FSIP2: variants seen among roughly 807,000 people sequenced by gnomAD.
FSIP2 encodes the protein fibrous sheath-interacting protein 2.
A neutral mutation model predicts 510.5 loss-of-function variants in FSIP2; 367 were observed. That is an observed-to-expected ratio of 0.72 (90% CI 0.66 to 0.78). FSIP2 has a LOEUF of 0.78. FSIP2 is among the 30% of genes least tolerant of loss of function. The pLI is 0.00. For missense variants in FSIP2, 7,594 were observed against 7,901.7 expected (o/e 0.96, Z 1.48); for synonymous variants, 2,601 against 2,732.2 (o/e 0.95, Z 1.50).
Position 185,804,138 on chromosome 2 carries a change from CTCA to C in FSIP2, c.14835_14837del (p.Ser4946del). 1 of 1,513,330 alleles carries C rather than the reference CTCA, an allele frequency of 6.6e-7. No homozygotes were observed. Among genetic ancestry groups the C allele is most frequent in the Non-Finnish European group, 8.8e-7 (1 of 1,137,614 alleles). 93.7% of individuals were successfully genotyped at this position (1,513,330 alleles called of 1,614,324 possible). On this transcript the variant is annotated inframe_deletion, in exon 17 of 23. Transcript: ENST00000424728. ...AAAGAGAATTATCTTTTATTGTGAA[CTCA>C]TCTGTCTTTTTGGAGGAAGTAATTT...
chr2:185,827,302 T>C (rs964413105), intron 20 of FSIP2, among the ~76,000 whole-genome samples: 2 of 151,836 alleles, frequency 1.3e-5, no homozygotes, highest in African/African-American at 4.8e-5. Context: ...GTACTTTATA[T>C]AGTTATTGCT....
chr2:185,793,611 A>G lies in FSIP2; in HGVS notation c.6475A>G (p.Ile2159Val), dbSNP rs1693191949. The G allele has an allele frequency of 6.5e-7, 1 of 1,533,840 alleles. No individual in the cohort carries two copies. The highest frequency in any genetic ancestry group is 8.7e-7 in the Non-Finnish European group (1 of 1,145,270). The change falls in exon 16 of 23, where the codon ATA becomes GTA. Residue 2159 changes from isoleucine to valine, a missense_variant. Transcript: ENST00000424728. ...KSDVILISND[I>V]VNIVLHNLSS... ...AGATGTCATTTTGATATCCAATGAT[A>G]TAGTGAATATTGTTCTTCATAATCT...
Position 185,795,476 on chromosome 2 carries a change from A to G in FSIP2, c.8340A>G (p.Gln2780=). 1 of 1,534,874 alleles carries G rather than the reference A, an allele frequency of 6.5e-7. No homozygotes were observed. The highest frequency in any genetic ancestry group is 1.4e-5 in the African/African-American group (1 of 73,040). Residue 2780 remains glutamine (Q), a synonymous_variant, in exon 16 of 23, where the codon CAA becomes CAG. Coordinates refer to ENST00000424728, the MANE Select transcript of FSIP2 (RefSeq NM_173651.4). Reference sequence around the variant, plus strand: ...GTAAAATAGTTAATACAGTTTTGCAAGAATTATATGTTACCAATAACTGCA... The same window carrying G: ...GTAAAATAGTTAATACAGTTTTGCAGGAATTATATGTTACCAATAACTGCA... ...AAGKIVNTVL[Q]ELYVTNNCNL...
rs1693470984 is a variant in FSIP2, at chr2:185,802,797, A to G, written c.13491A>G (p.Ile4497Met). The change falls in exon 17 of 23, where the codon ATA becomes ATG. Residue 4497 changes from isoleucine to methionine, a missense_variant. Ile to Met is a conservative substitution (Grantham distance 10). Transcript: ENST00000424728. The stretch of plus-strand genomic sequence containing the variant: ...TAAACAGAGACACCCAAAAAGATAT[A>G]TCAAGAGTGAATTTCAATGACATTG... ...LVLNRDTQKD[I>M]SRVNFNDIAS... 3 of 1,521,168 alleles carry G rather than the reference A, an allele frequency of 2.0e-6. No individual in the cohort carries two copies. The highest frequency in any genetic ancestry group is 1.4e-5 in the African/African-American group (1 of 72,200). The allele number at this position is 1,521,168 out of a possible 1,614,324, so 94.2% of individuals were successfully genotyped here.
At position 185,789,437 on chromosome 2, in the gene FSIP2, G is replaced by A. The variant is rs948934418; in HGVS notation, c.2301G>A (p.Glu767=). The A allele has an allele frequency of 4.6e-6, 7 of 1,534,612 alleles. No homozygotes were observed. The African/African-American group carries it at 9.6e-5, about 21-fold the overall frequency. ...EIVENMLEKL[E]SAVEKKCVEM... is the part of the protein sequence containing the mutation. The stretch of plus-strand genomic sequence containing the variant: ...TGGAAAATATGCTTGAGAAGTTAGA[G>A]TCTGCAGTTGAGAAAAAATGTGTTG... The change falls in exon 16 of 23, where the codon GAG becomes GAA. Residue 767 remains glutamate, a synonymous_variant. Transcript: ENST00000424728.
chr2:185,793,832 A>G lies in FSIP2; in HGVS notation c.6696A>G (p.Val2232=), dbSNP rs1693199912. 2 of 1,532,794 alleles carry G rather than the reference A, an allele frequency of 1.3e-6. No homozygotes were observed. Among genetic ancestry groups the G allele is most frequent in the Admixed American group, 2.0e-5 (1 of 50,656 alleles). 94.9% of individuals were successfully genotyped at this position (1,532,794 alleles called of 1,614,324 possible). A position where few individuals can be genotyped will look rare whatever the true frequency, so the allele number is the denominator to read the frequency against. ...SAYADDNQIT[V]VEKEDTQKSA... is the part of the protein sequence containing the mutation. ...ATGCTGATGATAATCAGATAACTGT[A>G]GTAGAGAAAGAAGACACTCAGAAAT... The change falls in exon 16 of 23, where the codon GTA becomes GTG. Residue 2232 remains valine (V), a synonymous_variant. Coordinates refer to ENST00000424728, the MANE Select transcript of FSIP2 (RefSeq NM_173651.4).
At position 185,744,324 on chromosome 2, in the gene FSIP2, T is replaced by G. The variant is rs1184166125; in HGVS notation, c.390T>G (p.Val130=). ...TCTGTTTTCATTTTTGTTTGTAGGT[T>G]GTATGTACCTTGAGAGAATTGAATA... ...KGGYITSNNK[V]VCTLRELNKY... Residue 130 remains valine (V), a splice_region_variant and synonymous_variant, in exon 4 of 23, where the codon GTT becomes GTG. Transcript: ENST00000424728. 2 of 1,082,910 alleles carry G rather than the reference T, an allele frequency of 1.8e-6. No individual in the cohort carries two copies. The highest frequency in any genetic ancestry group is 3.3e-5 in the African/African-American group (2 of 61,012). The allele number at this position is 1,082,910 out of a possible 1,614,324, so 67.1% of individuals were successfully genotyped here.
chr2:185,809,087 G>A lies in FSIP2; in HGVS notation c.19781G>A (p.Arg6594His), dbSNP rs765693370. 3.1e-6 allele frequency: 5 copies of A among 1,597,170 alleles called. No homozygotes were observed. The highest frequency in any genetic ancestry group is 2.2e-5 in the East Asian group (1 of 44,632). Residue 6594 changes from arginine (R) to histidine (H), a missense_variant, in exon 17 of 23, where the codon CGT becomes CAT. Arg to His is a conservative substitution (Grantham distance 29). Coordinates refer to ENST00000424728, the MANE Select transcript of FSIP2 (RefSeq NM_173651.4). ...PDLEKRKTERRTSLDKTGRLD... is the reference protein window; with the variant it reads ...PDLEKRKTERHTSLDKTGRLD... ...TTAGAAAAGAGAAAGACAGAAAGAC[G>A]TACCTCATTGGATAAGACTGGAAGA...
Position 185,809,110 on chromosome 2 carries a change from A to G in FSIP2, c.19804A>G (p.Arg6602Gly). ...ERRTSLDKTG[R>G]LDVKPLEAVA... ...ACGTACCTCATTGGATAAGACTGGA[A>G]GACTGGATGTAAAACCCCTAGAGGT... is the stretch of plus-strand genomic sequence containing the variant. Residue 6602 changes from arginine to glycine, a missense_variant, in exon 17 of 23, where the codon AGA (arginine) becomes GGA (glycine). Coordinates refer to ENST00000424728, the MANE Select transcript of FSIP2 (RefSeq NM_173651.4). The G allele has an allele frequency of 6.3e-7, 1 of 1,576,340 alleles. No individual in the cohort carries two copies. Among genetic ancestry groups the G allele is most frequent in the Non-Finnish European group, 8.6e-7 (1 of 1,167,548 alleles).
rs151250145 is a variant in FSIP2 at position 185,786,834 on chromosome 2, C to T, written c.1506+546C>T. ...TTGAGGAACAACACATGCTCTGAGA[C>T]GCTATTTAACATGGAAACTTGCTCA... On this transcript the variant is annotated intron_variant, in intron 15 of 22. Coordinates refer to ENST00000424728, the MANE Select transcript of FSIP2 (RefSeq NM_173651.4). Among the ~76,000 whole-genome samples the T allele has an allele frequency of 1.2e-3, 182 of 151,928 alleles. 1 individual carries two copies. The highest frequency in any genetic ancestry group is 4.1e-3 in the African/African-American group (170 of 41,500).
intron 17 of FSIP2, among the ~76,000 whole-genome samples, chr2:185,811,837 T>C (rs1381844583): frequency 6.6e-6 from 1 of 152,018 alleles, no homozygotes; most frequent in Non-Finnish European, 1.5e-5. Flanking sequence ...GCCTTGGTGG[T>C]TTCTATGTGG....
intron 19 of FSIP2, among the ~76,000 whole-genome samples, chr2:185,820,230 A>C (rs1559040057): frequency 6.6e-6 from 1 of 151,806 alleles, no homozygotes; most frequent in Non-Finnish European, 1.5e-5. Flanking sequence ...ATTGTTCTGT[A>C]AGGAGCTTTT....
At chr2:185,738,259 T>G, upstream of FSIP2, 2 of 265,588 alleles carry the variant, frequency 7.5e-6, no homozygotes, top group Non-Finnish European at 7.3e-6. Flanking sequence ...TTCGGCTGGA[T>G]GGTTGAGGAG....
At chr2:185,760,946 A>AAT in intron 9 of FSIP2, 42 bp from the exon 10 acceptor site, 1 of 686,180 alleles carries the variant, frequency 1.5e-6, no homozygotes, top group Non-Finnish European at 2.2e-6. Context: ...AAGCTGTTAA[A>AAT]AAAAAAAAAA....
chr2:185,777,841 TTCGTG>T (rs1692761452), intron 13 of FSIP2, among the ~76,000 whole-genome samples: 1 of 152,128 alleles, frequency 6.6e-6, no homozygotes. Context: ...TGATACAGTT[TTCGTG>T]TCAAGATTAT....
At position 185,791,437 on chromosome 2, in the gene FSIP2, A is replaced by G. The variant is rs919361839; in HGVS notation, c.4301A>G (p.Glu1434Gly). 1.6e-5 allele frequency: 24 copies of G among 1,534,152 alleles called. No homozygotes were observed. The highest frequency in any genetic ancestry group is 2.7e-5 in the African/African-American group (2 of 72,902). Residue 1434 changes from glutamate (E) to glycine (G), a missense_variant, in exon 16 of 23, where the codon GAA becomes GGA. By Grantham distance (98) the Glu-to-Gly change is moderately conservative. Transcript: ENST00000424728. ...GAGAATGCAAAATTGCAAGTGTTAG[A>G]AAGAATTGGGGAAACACTACATGAA... ...IKENAKLQVL[E>G]RIGETLHEML... is the part of the protein sequence containing the mutation.
chr2:185,827,227 T>C (rs1294167617), intron 20 of FSIP2, among the ~76,000 whole-genome samples: 1 of 151,834 alleles, frequency 6.6e-6, no homozygotes, highest in African/African-American at 2.4e-5. Flanking sequence ...TTTAATCACT[T>C]CTCATATTTG....
chr2:185,803,112 C>T lies in FSIP2; in HGVS notation c.13806C>T (p.Asp4602=). The part of the protein sequence containing the change: ...FVSGKSLSSS[D]TYFDDERRQL... ...GTGGAAAATCATTATCTTCATCAGA[C>T]ACATATTTTGATGATGAGAGAAGGC... is the stretch of plus-strand genomic sequence containing the variant. Residue 4602 remains aspartate (D), a synonymous_variant, in exon 17 of 23, where the codon GAC becomes GAT. Transcript: ENST00000424728. 3 of 1,518,292 alleles carry T rather than the reference C, an allele frequency of 2.0e-6. No individual in the cohort carries two copies. Among genetic ancestry groups the T allele is most frequent in the Non-Finnish European group, 1.8e-6 (2 of 1,139,118 alleles). 94.1% of individuals were successfully genotyped at this position (1,518,292 alleles called of 1,614,324 possible).
intron 18 of FSIP2, among the ~76,000 whole-genome samples, chr2:185,814,888 G>A (rs1225117789): frequency 6.6e-6 from 1 of 151,906 alleles, no homozygotes; most frequent in Admixed American, 6.6e-5. Flanking sequence ...TGATTCCGAG[G>A]TTAACACAAA....
Sources: gnomAD v4.1 joint callset for allele counts (sites outside exome capture counted in the v4.1 genomes callset) on GRCh38, gnomAD v4.1.1 for gene constraint, MANE v1.5 for transcripts, NCBI Gene and HGNC (gene_info 2026-07-23, HGNC 2026-07-21) for gene names.